The following RASEF variants were observed in gnomAD, a reference collection of about 807,000 sequenced individuals.
RASEF encodes ras and EF-hand domain-containing protein.
Under a neutral mutation model 90.1 loss-of-function variants are expected in RASEF, and 68 were observed. The ratio of observed to expected loss-of-function variants is 0.75; its 90% CI spans 0.62 to 0.92. The LOEUF is 0.92. Among genes scored for constraint, RASEF ranks in the 40% least tolerant of loss-of-function variants. The pLI is 0.00. For missense variants in RASEF, 949 were observed against 937.2 expected, an observed-to-expected ratio of 1.01 and a Z score of -0.16; for synonymous variants, 331 against 345.2, an observed-to-expected ratio of 0.96 and a Z score of 0.46.
At chr9:83,066,404 T>C (rs1830282784), upstream of RASEF, among the ~76,000 whole-genome samples, 1 of 152,198 alleles carries the variant, frequency 6.6e-6, no homozygotes, top group African/African-American at 2.4e-5. Flanking sequence ...AGGAATGTTT[T>C]TGAATAACCC....
the RASEF span, among the ~76,000 whole-genome samples, chr9:83,136,405 C>T: frequency 6.6e-6 from 1 of 152,142 alleles, no homozygotes; most frequent in Admixed American, 6.5e-5. Flanking sequence ...ATTGAATATG[C>T]AAATGTTAAA....
At chr9:83,152,698 C>T in the RASEF span, among the ~76,000 whole-genome samples, 1 of 151,422 alleles carries the variant, frequency 6.6e-6, no homozygotes, top group African/African-American at 2.4e-5. Context: ...CTACTTGATT[C>T]TCTGAATATA....
intron 4 of RASEF, among the ~76,000 whole-genome samples, chr9:83,015,589 A>G (rs1829329225): frequency 6.6e-6 from 1 of 152,188 alleles, no homozygotes; most frequent in South Asian, 2.1e-4. Context: ...CTGAGACAGG[A>G]GAATCATTTG....
At chr9:83,105,331 C>A in the RASEF span, among the ~76,000 whole-genome samples, 1 of 151,994 alleles carries the variant, frequency 6.6e-6, no homozygotes, top group Non-Finnish European at 1.5e-5. Context: ...AAAAAAATAA[C>A]GAATGAATAA....
At chr9:83,040,628 A>G (rs929091532) in intron 1 of RASEF, among the ~76,000 whole-genome samples, 1 of 152,222 alleles carries the variant, frequency 6.6e-6, no homozygotes, top group Non-Finnish European at 1.5e-5. Flanking sequence ...TGTTCATTCA[A>G]TAGCAAATAT....
the RASEF span, among the ~76,000 whole-genome samples, chr9:83,169,350 T>TACACACACAC: frequency 2.9e-3 from 429 of 146,088 alleles, no homozygotes; most frequent in Middle Eastern, 6.9e-3. Context: ...CTGATTTCCA[T>TACACACACAC]ACACACACAC....
chr9:83,025,938 T>A lies in RASEF; in HGVS notation c.432-17A>T, dbSNP rs1437675185. The A allele has an allele frequency of 1.3e-6, 2 of 1,545,150 alleles. No individual in the cohort carries two copies. The highest frequency in any genetic ancestry group is 2.8e-5 in the African/African-American group (2 of 71,564). ...TGCTCTTCTCTGCCAAATAAATAAA[T>A]AAAAATTAAACCAATTATAAAATTT... On this transcript the variant is annotated splice_polypyrimidine_tract_variant and intron_variant, in intron 1 of 16. Coordinates refer to ENST00000376447, the MANE Select transcript of RASEF (RefSeq NM_152573.4).
chr9:83,206,748 T>C, the RASEF span, among the ~76,000 whole-genome samples: 2 of 152,206 alleles, frequency 1.3e-5, no homozygotes, highest in Non-Finnish European at 2.9e-5. Context: ...TGACAGGTTA[T>C]ACAAGTGCCA....
the RASEF span, among the ~76,000 whole-genome samples, chr9:83,093,744 A>G: frequency 5.9e-5 from 9 of 152,214 alleles, no homozygotes; most frequent in Non-Finnish European, 2.9e-5. Flanking sequence ...CAGCCCAGAA[A>G]GGGGCTCCCA....
intron 1 of RASEF, among the ~76,000 whole-genome samples, chr9:83,035,618 C>T (rs988910453): frequency 4.6e-5 from 7 of 152,140 alleles, no homozygotes; most frequent in Non-Finnish European, 8.8e-5. Flanking sequence ...TGCACATTTG[C>T]TCTCCCCGTA....
intron 1 of RASEF, among the ~76,000 whole-genome samples, chr9:83,059,472 T>C (rs1464340466): frequency 6.6e-6 from 1 of 151,976 alleles, no homozygotes; most frequent in African/African-American, 2.4e-5. Flanking sequence ...AATCAAAGAA[T>C]ACTGATTTAT....
At chr9:83,189,750 A>G in the RASEF span, among the ~76,000 whole-genome samples, 1 of 152,214 alleles carries the variant, frequency 6.6e-6, no homozygotes, top group African/African-American at 2.4e-5. Context: ...CTCACGTCCA[A>G]TCCAGGATCC....
chr9:83,218,752 G>A, the RASEF span, among the ~76,000 whole-genome samples: 1 of 152,296 alleles, frequency 6.6e-6, no homozygotes, highest in South Asian at 2.1e-4. Flanking sequence ...TGAGAACCTG[G>A]CCTCCCACAT....
intron 1 of RASEF, among the ~76,000 whole-genome samples, chr9:83,056,103 GT>G (rs1330198417): frequency 1.3e-5 from 2 of 152,188 alleles, no homozygotes; most frequent in South Asian, 2.1e-4. Context: ...TGTATATCCT[GT>G]TTTTATAAGA....
At chr9:83,027,138 G>A (rs895042805) in intron 1 of RASEF, among the ~76,000 whole-genome samples, 1 of 152,154 alleles carries the variant, frequency 6.6e-6, no homozygotes, top group Admixed American at 6.5e-5. Context: ...GATGCTTTGG[G>A]CAAGGTATGG....
At chr9:83,182,768 G>A in the RASEF span, among the ~76,000 whole-genome samples, 8 of 152,192 alleles carry the variant, frequency 5.3e-5, no homozygotes, top group East Asian at 1.2e-3. Flanking sequence ...TTTACGTTTG[G>A]TGAAAAAAGT....
chr9:83,135,026 A>T, the RASEF span, among the ~76,000 whole-genome samples: 1 of 151,918 alleles, frequency 6.6e-6, no homozygotes, highest in South Asian at 2.1e-4. Flanking sequence ...TACATGAAAC[A>T]TCCTGATTAA....
intron 1 of RASEF, chr9:83,048,113 T>C (rs905596007): frequency 5.2e-5 from 51 of 985,356 alleles, no homozygotes; most frequent in Non-Finnish European, 6.0e-5. Context: ...GGGTCAGCAT[T>C]ACCTGCCTGG....
At chr9:83,200,652 C>T in the RASEF span, among the ~76,000 whole-genome samples, 1 of 152,284 alleles carries the variant, frequency 6.6e-6, no homozygotes, top group African/African-American at 2.4e-5. Flanking sequence ...TGTCTCACTC[C>T]ACTGGAATGT....
Sources: allele counts gnomAD v4.1 joint callset (sites outside exome capture counted in the v4.1 genomes callset), GRCh38; gene constraint gnomAD v4.1.1; transcripts MANE v1.5; gene names NCBI Gene and HGNC (gene_info 2026-07-23, HGNC 2026-07-21).